CNTNAP2: variants seen among roughly 807,000 people sequenced by gnomAD.
CNTNAP2 encodes the protein contactin associated protein 2, also known as contactin-associated protein-like 2.
CNTNAP2 carries 98 observed loss-of-function variants against 155.2 expected under a neutral mutation model. That is an observed-to-expected ratio of 0.63 (90% confidence interval 0.54 to 0.75). The LOEUF (loss-of-function observed/expected upper bound fraction) is 0.75. Ranked by LOEUF, CNTNAP2 falls within the 30% of genes least tolerant of loss-of-function variation. CNTNAP2 has a pLI of 0.00. For synonymous variants in CNTNAP2, 651 were observed against 631.2 expected (o/e 1.03, Z -0.47); for missense variants, 1,727 against 1,688.1 (o/e 1.02, Z -0.40).
chr7:147,332,754 C>T (rs563080979), intron 9 of CNTNAP2, among the ~76,000 whole-genome samples: 10 of 152,096 alleles, frequency 6.6e-5, no homozygotes, highest in East Asian at 1.9e-4. Context: ...CCCAGCTACT[C>T]GGGAGGCTGA....
chr7:147,648,966 C>G (rs1007744607), intron 13 of CNTNAP2, among the ~76,000 whole-genome samples: 1 of 152,202 alleles, frequency 6.6e-6, no homozygotes, highest in Non-Finnish European at 1.5e-5. Context: ...TGTACCCACC[C>G]TCATCTCTTC....
At chr7:146,394,612 G>A (rs1397169344) in intron 1 of CNTNAP2, among the ~76,000 whole-genome samples, 1 of 151,994 alleles carries the variant, frequency 6.6e-6, no homozygotes, top group Non-Finnish European at 1.5e-5. Context: ...TTTAAATAAA[G>A]TTTACTTGCT....
intron 13 of CNTNAP2, among the ~76,000 whole-genome samples, chr7:147,800,609 T>C (rs1005509422): frequency 6.6e-6 from 1 of 152,162 alleles, no homozygotes; most frequent in Non-Finnish European, 1.5e-5. Flanking sequence ...GCAAGTTCTA[T>C]AGCATATGGA....
At chr7:146,743,074 A>G (rs1308122865) in intron 1 of CNTNAP2, among the ~76,000 whole-genome samples, 1 of 152,182 alleles carries the variant, frequency 6.6e-6, no homozygotes, top group African/African-American at 2.4e-5. Flanking sequence ...AAACCCTGAT[A>G]GGTATTTCAT....
chr7:148,188,804 C>T (rs1183942935), intron 18 of CNTNAP2, among the ~76,000 whole-genome samples: 2 of 152,174 alleles, frequency 1.3e-5, no homozygotes, highest in Non-Finnish European at 2.9e-5. Context: ...GCATTTCATT[C>T]CCTTGAAACC....
At chr7:147,083,539 T>TATATATATGTATATATATATATATAC (rs1224219333) in intron 4 of CNTNAP2, among the ~76,000 whole-genome samples, 2 of 30,392 alleles carry the variant, frequency 6.6e-5, no homozygotes, top group Non-Finnish European at 2.5e-4. Flanking sequence ...TATATATACA[T>TATATATATGTATATATATATATATAC]ATATATATAT....
At chr7:147,523,883 C>T (rs1295733765) in intron 11 of CNTNAP2, among the ~76,000 whole-genome samples, 7 of 152,236 alleles carry the variant, frequency 4.6e-5, no homozygotes, top group African/African-American at 9.6e-5. Flanking sequence ...ATAAATACTG[C>T]GGTGAATCTC....
At chr7:148,174,311 C>T (rs888654947) in intron 18 of CNTNAP2, among the ~76,000 whole-genome samples, 7 of 152,226 alleles carry the variant, frequency 4.6e-5, no homozygotes, top group Non-Finnish European at 1.0e-4. Flanking sequence ...TTTGTCTGCA[C>T]TGAGGCAAGC....
chr7:146,648,084 T>C (rs190581095), intron 1 of CNTNAP2, among the ~76,000 whole-genome samples: 21 of 152,286 alleles, frequency 1.4e-4, no homozygotes, highest in Non-Finnish European at 2.9e-5. Flanking sequence ...AAATGAGGCT[T>C]CCGTATCACA....
intron 12 of CNTNAP2, among the ~76,000 whole-genome samples, chr7:147,600,081 C>G (rs1241978323): frequency 6.6e-6 from 1 of 152,136 alleles, no homozygotes; most frequent in African/African-American, 2.4e-5. Context: ...TACTTTTATG[C>G]TTAGAATACC....
intron 9 of CNTNAP2, among the ~76,000 whole-genome samples, chr7:147,321,540 T>A (rs753557710): frequency 1.3e-5 from 2 of 152,212 alleles, no homozygotes; most frequent in Non-Finnish European, 2.9e-5. Flanking sequence ...TCACAGTAGC[T>A]TTACTCTCAT....
At chr7:147,043,855 A>G in intron 3 of CNTNAP2, 52 bp from the exon 4 acceptor site, 1 of 1,603,158 alleles carries the variant, frequency 6.2e-7, no homozygotes, top group Non-Finnish European at 8.5e-7. Flanking sequence ...AGAGGACATG[A>G]TTGTTTCTAA....
At chr7:147,720,486 T>C (rs1248446343) in intron 13 of CNTNAP2, among the ~76,000 whole-genome samples, 1 of 152,148 alleles carries the variant, frequency 6.6e-6, no homozygotes, top group East Asian at 1.9e-4. Flanking sequence ...AAGTTTATCC[T>C]TTCAAAAGTT....
chr7:147,958,730 C>T (rs1395096503), intron 14 of CNTNAP2, among the ~76,000 whole-genome samples: 5 of 152,110 alleles, frequency 3.3e-5, no homozygotes, highest in Non-Finnish European at 7.4e-5. Flanking sequence ...ACAACTAAAA[C>T]TCAATTACTT....
chr7:147,795,652 ATCC>A (rs1189322848), intron 13 of CNTNAP2, among the ~76,000 whole-genome samples: 1 of 152,120 alleles, frequency 6.6e-6, no homozygotes, highest in African/African-American at 2.4e-5. Flanking sequence ...TTCATCACAA[ATCC>A]TCCTCTCCCA....
intron 8 of CNTNAP2, among the ~76,000 whole-genome samples, chr7:147,221,184 G>T (rs1296269586): frequency 2.0e-5 from 3 of 151,790 alleles, no homozygotes; most frequent in Admixed American, 6.6e-5. Context: ...TATCATTAAT[G>T]TCATTCATTT....
chr7:146,143,397 T>A (rs192114488), intron 1 of CNTNAP2, among the ~76,000 whole-genome samples: 1 of 152,270 alleles, frequency 6.6e-6, no homozygotes, highest in East Asian at 1.9e-4. Flanking sequence ...TAGTTTTCCA[T>A]GAATAAGGAC....
intron 1 of CNTNAP2, among the ~76,000 whole-genome samples, chr7:146,471,744 G>A (rs1796802218): frequency 6.6e-6 from 1 of 152,212 alleles, no homozygotes; most frequent in Admixed American, 6.5e-5. Context: ...TTCAGATAGT[G>A]TAGGCACATT....
chr7:147,056,769 G>A (rs185484735), intron 4 of CNTNAP2, among the ~76,000 whole-genome samples: 74 of 152,084 alleles, frequency 4.9e-4, no homozygotes, highest in African/African-American at 1.7e-3. Flanking sequence ...TTGTTTGTTT[G>A]TTCATTTGTT....
Sources: allele counts gnomAD v4.1 joint callset (sites outside exome capture counted in the v4.1 genomes callset), GRCh38; gene constraint gnomAD v4.1.1; transcripts MANE v1.5; gene names NCBI Gene and HGNC (gene_info 2026-07-23, HGNC 2026-07-21).